DAZAP1: variants seen among roughly 807,000 people sequenced by gnomAD.
The protein encoded by DAZAP1 is DAZ associated protein 1, also known as DAZ-associated protein 1.
DAZAP1 carries 6 observed loss-of-function variants against 60.1 expected under a neutral mutation model. The ratio of observed to expected loss-of-function variants is 0.10; its 90% CI spans 0.05 to 0.20. The LOEUF is 0.20. DAZAP1 is among the 10% of genes least tolerant of loss of function. The probability of loss-of-function intolerance (pLI) is 1.00; values close to 1 mark genes in which losing one functional copy is unlikely to be tolerated. For missense variants in DAZAP1, 366 were observed against 560.4 expected, an observed-to-expected ratio of 0.65 and a Z score of 3.50; for synonymous variants, 235 against 215.9, an observed-to-expected ratio of 1.09 and a Z score of -0.78.
At chr19:1,420,863 T>C (rs1031655048) in intron 4 of DAZAP1, among the ~76,000 whole-genome samples, 1 of 152,228 alleles carries the variant, frequency 6.6e-6, no homozygotes, top group East Asian at 1.9e-4. Context: ...GTGGTTGTAA[T>C]TCGGAATAGC....
At chr19:1,431,778 A>G (rs944056692) in intron 10 of DAZAP1, among the ~76,000 whole-genome samples, 3 of 152,112 alleles carry the variant, frequency 2.0e-5, no homozygotes, top group Admixed American at 1.3e-4. Context: ...TGCGTCCCTT[A>G]CCTGCCTAGC....
In DAZAP1 at chr19:1,418,017, C is replaced by T. The variant is rs1427424365; in HGVS notation, c.71-187C>T. Among the ~76,000 whole-genome samples the T allele has an allele frequency of 6.6e-6, 1 of 152,186 alleles. No homozygotes were observed. The highest frequency in any genetic ancestry group is 1.5e-5 in the Non-Finnish European group (1 of 68,040). The stretch of plus-strand genomic sequence containing the variant: ...GTGCTCACTGGCAGCCCCTGATTTA[C>T]GTGAGGACCTCAAGTGTGTGTTGGG... On this transcript the variant is annotated intron_variant, in intron 2 of 11. Transcript: ENST00000233078. The surrounding 1 kb of genome is among the most constrained non-coding windows in gnomAD (Gnocchi z 5.7).
intron 1 of DAZAP1, among the ~76,000 whole-genome samples, chr19:1,409,620 G>T (rs2082767031): frequency 6.6e-6 from 1 of 152,258 alleles, no homozygotes; most frequent in Admixed American, 6.5e-5. Context: ...GCCGCCCGTC[G>T]CATGGGAGAC....
At chr19:1,411,164 G>A (rs2082819078) in intron 1 of DAZAP1, among the ~76,000 whole-genome samples, 1 of 152,210 alleles carries the variant, frequency 6.6e-6, no homozygotes. Flanking sequence ...GGAGTGATAG[G>A]GAACCTCATG....
In DAZAP1 at chr19:1,430,132, G is replaced by A. The variant is rs552433662; in HGVS notation, c.731-90G>A. 14 of 1,504,186 alleles carry A rather than the reference G, an allele frequency of 9.3e-6. No individual in the cohort carries two copies. In the South Asian group the frequency reaches 1.4e-4, roughly 15 times the overall value. The allele number at this position is 1,504,186 out of a possible 1,614,324, so 93.2% of individuals were successfully genotyped here. ...GAGAGGAAGAGAGGGTGAGGGGCCT[G>A]CTAGGGCCCCTGGCAGGCCTGGGTC... is the stretch of plus-strand genomic sequence containing the variant. On this transcript the variant is annotated intron_variant, in intron 9 of 11. Transcript: ENST00000233078.
chr19:1,425,869 G>C lies in DAZAP1; in HGVS notation c.464-9G>C. Reference sequence around the variant, plus strand: ...CTGCTACCTTGATTCACTCTTCGTCGTTGGCTAGGTTTTGGATTTATTACT... The same window carrying C: ...CTGCTACCTTGATTCACTCTTCGTCCTTGGCTAGGTTTTGGATTTATTACT... On this transcript the variant is annotated splice_polypyrimidine_tract_variant and intron_variant, in intron 6 of 11. Coordinates refer to ENST00000233078, the MANE Select transcript of DAZAP1 (RefSeq NM_018959.4). The surrounding 1 kb of genome is among the most constrained non-coding windows in gnomAD (Gnocchi z 5.4). 1 of 1,598,350 alleles carries C rather than the reference G, an allele frequency of 6.3e-7. No homozygotes were observed. The highest frequency in any genetic ancestry group is 2.2e-5 in the East Asian group (1 of 44,812).
At chr19:1,429,099 A>G (rs1227194237) in intron 8 of DAZAP1, 104 bp downstream of exon 8, 3 of 1,358,966 alleles carry the variant, frequency 2.2e-6, no homozygotes, top group Admixed American at 3.0e-5. Context: ...TCTGCTGTGC[A>G]TGCACAGAGC....
In DAZAP1 at chr19:1,432,795, T is replaced by C; in HGVS notation, c.1048+105T>C. The C allele has an allele frequency of 2.3e-6, 3 of 1,325,690 alleles. No individual in the cohort carries two copies. The highest frequency in any genetic ancestry group is 3.1e-6 in the Non-Finnish European group (3 of 966,490). The allele number at this position is 1,325,690 out of a possible 1,614,324, so 82.1% of individuals were successfully genotyped here. ...TGCTGGACGCTCCCCAGCCTTTACC[T>C]GGTGGGAAAGGGGAGAGGGAGGAGA... is the stretch of plus-strand genomic sequence containing the variant. On this transcript the variant is annotated intron_variant, in intron 11 of 11. Transcript: ENST00000233078. This position sits in a 1 kb window ranked among gnomAD's most constrained non-coding sequence, Gnocchi z 4.9.
rs919508834 is a variant in DAZAP1 at position 1,433,695 on chromosome 19, T to G, written c.1048+1005T>G. On this transcript the variant is annotated intron_variant, in intron 11 of 11. Coordinates refer to ENST00000233078, the MANE Select transcript of DAZAP1 (RefSeq NM_018959.4). The surrounding 1 kb of genome is among the most constrained non-coding windows in gnomAD (Gnocchi z 6.1). ...GGCGTGTGTCAGCCGCTGCTCTTGG[T>G]GGCGGCTGCTTGGGTTGGTCACCCT... 2.6e-6 allele frequency: 4 copies of G among 1,525,942 alleles called. No individual in the cohort carries two copies. The African/African-American group carries it at 4.1e-5, about 16-fold the overall frequency. The allele number at this position is 1,525,942 out of a possible 1,614,324, so 94.5% of individuals were successfully genotyped here.
rs1677456489 is a variant in DAZAP1, at chr19:1,431,233, A to C, written c.871+871A>C. On this transcript the variant is annotated intron_variant, in intron 10 of 11. Coordinates refer to ENST00000233078, the MANE Select transcript of DAZAP1 (RefSeq NM_018959.4). ...AAGCTCCACCTCCTGGGTTCACGCC[A>C]TTCTCCTACCTCAGTCTCCTGAGTA... Among the ~76,000 whole-genome samples the C allele has an allele frequency of 2.0e-5, 3 of 151,082 alleles. No homozygotes were observed. In the South Asian group the frequency reaches 6.3e-4, roughly 32 times the overall value.
At chr19:1,431,401 T>G (rs749695466) in intron 10 of DAZAP1, among the ~76,000 whole-genome samples, 35 of 152,122 alleles carry the variant, frequency 2.3e-4, no homozygotes, top group Non-Finnish European at 4.3e-4. Context: ...AGCGCTGGGA[T>G]TAGAAGCGTG....
intron 1 of DAZAP1, chr19:1,415,715 G>C (rs1364552873): frequency 6.6e-6 from 1 of 152,188 alleles, no homozygotes; most frequent in African/African-American, 2.4e-5. Context: ...GGAGACGTAG[G>C]ATTTTAAGTT....
chr19:1,411,837 G>T (rs541932826), intron 1 of DAZAP1, among the ~76,000 whole-genome samples: 10 of 152,358 alleles, frequency 6.6e-5, no homozygotes, highest in South Asian at 2.1e-4. Flanking sequence ...TGGTCAGGCG[G>T]CTATGTTCAT....
At chr19:1,417,966 T>C (rs2083035631) in intron 2 of DAZAP1, among the ~76,000 whole-genome samples, 1 of 152,186 alleles carries the variant, frequency 6.6e-6, no homozygotes, top group Admixed American at 6.5e-5. Context: ...GCCTACAAAG[T>C]CAGGTTGTAA....
Position 1,428,879 on chromosome 19 carries a change from G to C in DAZAP1, c.584G>C (p.Ser195Thr). Residue 195 changes from serine to threonine, a missense_variant, in exon 8 of 12, where the codon AGC (serine) becomes ACC (threonine). Transcript: ENST00000233078. This position sits in a 1 kb window ranked among gnomAD's most constrained non-coding sequence, Gnocchi z 4.0. ...CGAGCTGAGCCTCGGGACAGCAAGA[G>C]CCAAGCGCCGGGACAGCCAGGTGCC... The part of the protein sequence containing the change: ...VKRAEPRDSK[S>T]QAPGQPGASQ... 1 of 1,613,140 alleles carries C rather than the reference G, an allele frequency of 6.2e-7. No individual in the cohort carries two copies. The highest frequency in any genetic ancestry group is 8.5e-7 in the Non-Finnish European group (1 of 1,179,924).
At chr19:1,429,868 G>T in intron 8 of DAZAP1, 99 bp from the exon 9 acceptor site, 7 of 1,460,162 alleles carry the variant, frequency 4.8e-6, no homozygotes, top group Non-Finnish European at 6.6e-6. Context: ...AGGCTCCGGG[G>T]TTGGTCCCAG....
Position 1,428,724 on chromosome 19 carries a change from A to G in DAZAP1, c.547-118A>G, listed in dbSNP as rs1475877184. On this transcript the variant is annotated intron_variant, in intron 7 of 11. Coordinates refer to ENST00000233078, the MANE Select transcript of DAZAP1 (RefSeq NM_018959.4). The surrounding 1 kb of genome is among the most constrained non-coding windows in gnomAD (Gnocchi z 4.0). Reference sequence around the variant, plus strand: ...GCCTAAATAAGGTTTATAGTTAAGTATTTAGTCTTAAGTTGTAAGATGCTA... The same window carrying G: ...GCCTAAATAAGGTTTATAGTTAAGTGTTTAGTCTTAAGTTGTAAGATGCTA... 3 of 1,217,414 alleles carry G rather than the reference A, an allele frequency of 2.5e-6. No individual in the cohort carries two copies. The highest frequency in any genetic ancestry group is 3.5e-6 in the Non-Finnish European group (3 of 866,058). The allele number at this position is 1,217,414 out of a possible 1,614,324, so 75.4% of individuals were successfully genotyped here. A position where few individuals can be genotyped will look rare whatever the true frequency, so the allele number is the denominator to read the frequency against.
rs936410057 is a variant in DAZAP1 at position 1,422,019 on chromosome 19, G to A, written c.415-329G>A. Among the ~76,000 whole-genome samples, 6 of 152,312 alleles carry A rather than the reference G, an allele frequency of 3.9e-5. No homozygotes were observed. Among genetic ancestry groups the A allele is most frequent in the South Asian group, 2.1e-4 (1 of 4,830 alleles). ...TTCTGTGGGGTCTCCTGGCTCCCAC[G>A]TCCCCTGCTAGGATGCGTGGTCGGC... On this transcript the variant is annotated intron_variant, in intron 5 of 11. Transcript: ENST00000233078. The surrounding 1 kb of genome is among the most constrained non-coding windows in gnomAD (Gnocchi z 4.5).
chr19:1,408,025 C>G (rs999523506), intron 1 of DAZAP1, among the ~76,000 whole-genome samples: 2 of 150,958 alleles, frequency 1.3e-5, no homozygotes, highest in African/African-American at 2.4e-5. Flanking sequence ...CCCGGCTTCC[C>G]GTCCTGGGGG....
Sources: allele counts gnomAD v4.1 joint callset (sites outside exome capture counted in the v4.1 genomes callset), GRCh38; gene constraint gnomAD v4.1.1; non-coding constraint Gnocchi (gnomAD v3.1); transcripts MANE v1.5; gene names NCBI Gene and HGNC (gene_info 2026-07-23, HGNC 2026-07-21).